The following ELAPOR2 variants were observed in gnomAD, a reference collection of about 807,000 sequenced individuals.
The protein encoded by ELAPOR2 is endosome-lysosome associated apoptosis and autophagy regulator family member 2.
In ELAPOR2, 89 loss-of-function variants were observed where a neutral mutation model predicts 120.7. The observed-to-expected ratio is 0.74, with a 90% CI of 0.62 to 0.88. The LOEUF is 0.88. Among genes scored for constraint, ELAPOR2 ranks in the 40% least tolerant of loss-of-function variants. ELAPOR2 has a pLI of 0.00. For missense variants in ELAPOR2, 1,134 were observed against 1,251.6 expected (o/e 0.91, Z 1.42); for synonymous variants, 444 against 444.9 (o/e 1.00, Z 0.03).
rs1192953650 is a variant in ELAPOR2, at chr7:86,940,016, T to C, written c.841A>G (p.Ile281Val). The C allele has an allele frequency of 4.4e-6, 7 of 1,594,750 alleles. No individual in the cohort carries two copies. The highest frequency in any genetic ancestry group is 1.7e-5 in the Admixed American group (1 of 59,338). The part of the protein sequence containing the change: ...VKPVLVKNIT[I>V]EGVAYTSECF... ...ACAGAATGCCATGAAATACCTTCAA[T>C]TGTGATATTTTTTACCAGCACAGGC... Residue 281 changes from isoleucine to valine, a missense_variant, in exon 6 of 22, where the codon ATT becomes GTT. Physicochemically the swap from Ile to Val is conservative, Grantham distance 29 (BLOSUM62 3). This residue lies in a region of ELAPOR2 where 23 missense variants were observed against 52.4 expected (regional missense o/e 0.44). Transcript: ENST00000450689.
chr7:87,051,554 C>G (rs1192044059), intron 1 of ELAPOR2, among the ~76,000 whole-genome samples: 1 of 152,126 alleles, frequency 6.6e-6, no homozygotes, highest in Admixed American at 6.5e-5. Context: ...CACAGCAATT[C>G]TAACATAGAT....
At chr7:87,016,229 A>G (rs1793862780) in intron 1 of ELAPOR2, among the ~76,000 whole-genome samples, 2 of 152,196 alleles carry the variant, frequency 1.3e-5, no homozygotes, top group Admixed American at 1.3e-4. Context: ...CTCAAAATGT[A>G]TCTCTGTTTT....
At chr7:86,957,600 A>C (rs2116445201) in intron 2 of ELAPOR2, among the ~76,000 whole-genome samples, 1 of 152,374 alleles carries the variant, frequency 6.6e-6, no homozygotes. Flanking sequence ...GGGAAAAAAA[A>C]CAACTGGCTA....
At chr7:87,038,845 T>C (rs1423565208) in intron 1 of ELAPOR2, among the ~76,000 whole-genome samples, 1 of 151,168 alleles carries the variant, frequency 6.6e-6, no homozygotes, top group Non-Finnish European at 1.5e-5. Flanking sequence ...GAAAAAAAAC[T>C]TTAAATAAAC....
intron 1 of ELAPOR2, among the ~76,000 whole-genome samples, chr7:87,023,420 C>T (rs990865959): frequency 9.9e-5 from 15 of 152,208 alleles, no homozygotes; most frequent in African/African-American, 3.6e-4. Context: ...TTCCATTGGT[C>T]TATATCTCTG....
chr7:87,045,313 G>T (rs1439241678), intron 1 of ELAPOR2, among the ~76,000 whole-genome samples: 3 of 147,076 alleles, frequency 2.0e-5, no homozygotes, highest in African/African-American at 7.7e-5. Flanking sequence ...GCACACGTAT[G>T]TTTATTGCGG....
At chr7:86,984,176 T>G (rs546422196) in intron 1 of ELAPOR2, among the ~76,000 whole-genome samples, 54 of 152,192 alleles carry the variant, frequency 3.5e-4, no homozygotes, top group African/African-American at 1.2e-3. Flanking sequence ...AGCACCTAGA[T>G]TCATAAAGCA....
rs370860695 is a variant in ELAPOR2 at position 86,938,966 on chromosome 7, C to T, written c.848-6G>A. On this transcript the variant is annotated splice_polypyrimidine_tract_variant and splice_region_variant and intron_variant, in intron 6 of 21. Coordinates refer to ENST00000450689, the MANE Select transcript of ELAPOR2 (RefSeq NM_001142749.3). ...TTCTGATGTGTACGCCACCCCTGTG[C>T]AGTAATGAAAAACAGAGCATGGGAG... 1 of 1,612,500 alleles carries T rather than the reference C, an allele frequency of 6.2e-7. No homozygotes were observed. Among genetic ancestry groups the T allele is most frequent in the Non-Finnish European group, 8.5e-7 (1 of 1,179,070 alleles).
intron 1 of ELAPOR2, among the ~76,000 whole-genome samples, chr7:87,006,882 A>C (rs921091413): frequency 1.3e-5 from 2 of 152,220 alleles, no homozygotes; most frequent in Non-Finnish European, 2.9e-5. Flanking sequence ...AAAAAGAAAC[A>C]AACTGCTGAT....
chr7:86,908,461 C>T lies in ELAPOR2; in HGVS notation c.2442G>A (p.Val814=). 1 of 1,566,836 alleles carries T rather than the reference C, an allele frequency of 6.4e-7. No homozygotes were observed. The highest frequency in any genetic ancestry group is 8.7e-7 in the Non-Finnish European group (1 of 1,150,130). The change falls in exon 17 of 22, where the codon GTG becomes GTA. Residue 814 remains valine (V), a synonymous_variant. Coordinates refer to ENST00000450689, the MANE Select transcript of ELAPOR2 (RefSeq NM_001142749.3). Reference sequence around the variant, plus strand: ...TCTTCACTTACTTATAAAAGAAATGCACATCTGGTATTTGGCTTGTTGGAA... The same window carrying T: ...TCTTCACTTACTTATAAAAGAAATGTACATCTGGTATTTGGCTTGTTGGAA... ...FPVPTSQIPD[V]HFFYKSSTAT...
chr7:86,991,597 C>A (rs1435202214), intron 1 of ELAPOR2, among the ~76,000 whole-genome samples: 1 of 152,146 alleles, frequency 6.6e-6, no homozygotes, highest in Admixed American at 6.6e-5. Flanking sequence ...TTTGCCCCAA[C>A]TCTATTATAC....
intron 9 of ELAPOR2, 142 bp downstream of exon 9, chr7:86,926,594 A>T: frequency 2.8e-6 from 2 of 706,634 alleles, no homozygotes; most frequent in Non-Finnish European, 2.3e-6. Flanking sequence ...CTAAAATATT[A>T]CAGTTGACTG....
At chr7:86,933,787 C>T (rs997066079) in intron 8 of ELAPOR2, among the ~76,000 whole-genome samples, 17 of 151,986 alleles carry the variant, frequency 1.1e-4, no homozygotes, top group Admixed American at 1.3e-4. Flanking sequence ...CCATGACCCT[C>T]GAATAAAGCT....
intron 18 of ELAPOR2, among the ~76,000 whole-genome samples, chr7:86,902,107 C>A (rs1449986624): frequency 6.6e-6 from 1 of 152,152 alleles, no homozygotes; most frequent in Non-Finnish European, 1.5e-5. Flanking sequence ...TCATAGATAG[C>A]ACTTTTTTGC....
At chr7:86,981,546 G>C (rs1049248868) in intron 1 of ELAPOR2, among the ~76,000 whole-genome samples, 11 of 152,146 alleles carry the variant, frequency 7.2e-5, no homozygotes, top group Non-Finnish European at 1.0e-4. Context: ...AATGTTTCTA[G>C]CTGTCTTGGA....
chr7:86,901,917 T>G (rs1237152987), intron 18 of ELAPOR2, among the ~76,000 whole-genome samples: 3 of 152,202 alleles, frequency 2.0e-5, no homozygotes, highest in African/African-American at 7.2e-5. Context: ...GCTCCAAAAT[T>G]TTTTTGCCCT....
At chr7:86,956,116 T>A (rs1791461798) in intron 2 of ELAPOR2, among the ~76,000 whole-genome samples, 1 of 152,154 alleles carries the variant, frequency 6.6e-6, no homozygotes, top group African/African-American at 2.4e-5. Context: ...CTATGTCAGC[T>A]CTGAAGTGGC....
At chr7:87,025,712 A>G (rs1231155177) in intron 1 of ELAPOR2, among the ~76,000 whole-genome samples, 1 of 152,188 alleles carries the variant, frequency 6.6e-6, no homozygotes, top group East Asian at 1.9e-4. Context: ...AATTTTTTAC[A>G]TAATATTGAA....
At chr7:86,982,556 A>T (rs1456487488) in intron 1 of ELAPOR2, among the ~76,000 whole-genome samples, 1 of 152,246 alleles carries the variant, frequency 6.6e-6, no homozygotes, top group Non-Finnish European at 1.5e-5. Flanking sequence ...TCCAGAGTGG[A>T]CATACAGCAA....
Sources: allele counts gnomAD v4.1 joint callset (sites outside exome capture counted in the v4.1 genomes callset), GRCh38; gene constraint gnomAD v4.1.1; regional missense constraint gnomAD v4.1.1; transcripts MANE v1.5; gene names NCBI Gene and HGNC (gene_info 2026-07-23, HGNC 2026-07-21).